Variants in OTUD5 observed in about 807,000 individuals in gnomAD.
OTUD5 encodes the protein OTU domain-containing protein 5.
Under a neutral mutation model 36.3 loss-of-function variants are expected in OTUD5, and 2 were observed. The ratio of observed to expected loss-of-function variants is 0.06; its 90% CI spans 0.02 to 0.17. The LOEUF (loss-of-function observed/expected upper bound fraction) is 0.17. Among genes scored for constraint, OTUD5 ranks in the 10% least tolerant of loss-of-function variants. The pLI is 1.00. For missense variants in OTUD5, 233 were observed against 512.3 expected, an observed-to-expected ratio of 0.45 and a Z score of 5.26; for synonymous variants, 234 against 214.9, an observed-to-expected ratio of 1.09 and a Z score of -0.78.
chrX:48,925,001 G>A (rs1387816849), intron 6 of OTUD5, among the ~76,000 whole-genome samples: 2 of 110,871 alleles, frequency 1.8e-5, no homozygotes, highest in East Asian at 2.8e-4. Flanking sequence ...TCCTTCAGCC[G>A]GGTGCGGTGG....
chrX:48,954,339 C>G (rs943545185), intron 1 of OTUD5, among the ~76,000 whole-genome samples: 6 of 110,846 alleles, frequency 5.4e-5, no homozygotes, highest in Non-Finnish European at 1.1e-4. Flanking sequence ...GTTACCATGG[C>G]AGCATAGGAT....
At position 48,934,599 on chromosome X, in the gene OTUD5, T is replaced by C; in HGVS notation, c.924A>G (p.Thr308=). 3.3e-6 allele frequency: 4 copies of C among 1,211,098 alleles called. No homozygotes were observed. Among genetic ancestry groups the C allele is most frequent in the Non-Finnish European group, 3.4e-6 (3 of 895,114 alleles). The stretch of plus-strand genomic sequence containing the variant: ...CCTCGTTTTGATGTATCCCATGGAA[T>C]GTGTTGATGGGTTCTGCAGAGAAAG... The part of the protein sequence containing the change: ...VYQYSTEPIN[T]FHGIHQNEDE... The change falls in exon 5 of 9, where the codon ACA becomes ACG. Residue 308 remains threonine (T), a synonymous_variant. Coordinates refer to ENST00000376488, the MANE Select transcript of OTUD5 (RefSeq NM_001136157.2).
In OTUD5 at chrX:48,957,179, ACCACCACGCCCGCGGCACCCACACCCG is replaced by A; in HGVS notation, c.365_391del (p.Ala122_Val130del). 1 of 1,125,107 alleles carries A rather than the reference ACCACCACGCCCGCGGCACCCACACCCG, an allele frequency of 8.9e-7. No homozygotes were observed. The highest frequency in any genetic ancestry group is 1.2e-6 in the Non-Finnish European group (1 of 860,931). The allele number at this position is 1,125,107 out of a possible 1,213,427, so 92.7% of individuals were successfully genotyped here. On this transcript the variant is annotated inframe_deletion, in exon 1 of 9. Transcript: ENST00000376488. ...CACGCCTACGGCACCACCCACACCC[ACCACCACGCCCGCGGCACCCACACCCG>A]CCGCCGCTGCGCCCAGCGCGTCGCC... is the stretch of plus-strand genomic sequence containing the variant.
chrX:48,957,207 C>A lies in OTUD5; in HGVS notation c.364G>T (p.Ala122Ser). ...GPGDALGAAA[A>S]GVGAAGVVVG... Reference sequence around the variant, plus strand: ...ACCACGCCCGCGGCACCCACACCCGCCGCCGCTGCGCCCAGCGCGTCGCCG... The same window carrying A: ...ACCACGCCCGCGGCACCCACACCCGACGCCGCTGCGCCCAGCGCGTCGCCG... Residue 122 changes from alanine to serine, a missense_variant, in exon 1 of 9, where the codon GCG becomes TCG. This residue lies in a region of OTUD5 where 155 missense variants were observed against 217.2 expected (regional missense o/e 0.71). Coordinates refer to ENST00000376488, the MANE Select transcript of OTUD5 (RefSeq NM_001136157.2). 9.0e-7 allele frequency: 1 copy of A among 1,106,615 alleles called. No individual in the cohort carries two copies. 91.2% of individuals were successfully genotyped at this position (1,106,615 alleles called of 1,213,427 possible). A position where few individuals can be genotyped will look rare whatever the true frequency, so the allele number is the denominator to read the frequency against.
chrX:48,949,800 C>G (rs1019763444), intron 1 of OTUD5, among the ~76,000 whole-genome samples: 2 of 111,152 alleles, frequency 1.8e-5, no homozygotes, highest in Admixed American at 9.6e-5. Context: ...GTGCAGTGAG[C>G]CAAGATTACG....
chrX:48,952,060 A>C (rs185138016), intron 1 of OTUD5, among the ~76,000 whole-genome samples: 3,807 of 111,722 alleles, frequency 0.034, 65 homozygotes, highest in East Asian at 0.11. Context: ...CACCTTAAAA[A>C]AAAAACAAAA....
chrX:48,931,002 G>A (rs1557048702), intron 5 of OTUD5, among the ~76,000 whole-genome samples: 1 of 110,635 alleles, frequency 9.0e-6, no homozygotes, highest in African/African-American at 3.3e-5. Flanking sequence ...CGTAATAACT[G>A]GAAAAATTAA....
chrX:48,934,369 C>A, intron 5 of OTUD5, 95 bp downstream of exon 5: 1 of 659,458 alleles, frequency 1.5e-6, no homozygotes, highest in Non-Finnish European at 2.3e-6. Context: ...AGAGAGGAGA[C>A]AGGATATTTT....
chrX:48,952,798 C>T (rs942634043), intron 1 of OTUD5, among the ~76,000 whole-genome samples: 2 of 112,598 alleles, frequency 1.8e-5, no homozygotes, highest in Non-Finnish European at 3.8e-5. Flanking sequence ...CCCCTTCCTG[C>T]TTCCCCACCA....
At position 48,939,114 on chromosome X, in the gene OTUD5, A is replaced by G. The variant is rs1052565258; in HGVS notation, c.689-4096T>C. ...CTCTTACTTTACCCAGGAGACACAG[A>G]AATGTGGCAAAGCTTGCCTGGGATC... is the stretch of plus-strand genomic sequence containing the variant. On this transcript the variant is annotated intron_variant, in intron 2 of 8. Coordinates refer to ENST00000376488, the MANE Select transcript of OTUD5 (RefSeq NM_001136157.2). Among the ~76,000 whole-genome samples the G allele has an allele frequency of 8.0e-5, 9 of 111,926 alleles. 1 individual carries two copies. Among genetic ancestry groups the G allele is most frequent in the Admixed American group, 3.8e-4 (4 of 10,502 alleles).
Position 48,923,675 on chromosome X carries a change from C to A in OTUD5, c.1537G>T (p.Glu513Ter). Residue 513 changes from glutamate (E) to a stop codon, truncating the protein, a stop_gained, in exon 8 of 9, where the codon GAG becomes TAG. Transcript: ENST00000376488. LOFTEE classifies it high-confidence loss of function. ...ATCTGCTGAATGAGGGCCCGGCACT[C>A]CAAAGCAGGGTAGAGGGACACAAGG... ...SPLVSLYPAL[E>*]CRALIQQMSP... The A allele has an allele frequency of 8.3e-7, 1 of 1,209,773 alleles. No individual in the cohort carries two copies.
chrX:48,951,770 T>C (rs972356922), intron 1 of OTUD5, among the ~76,000 whole-genome samples: 10 of 110,920 alleles, frequency 9.0e-5, no homozygotes, highest in African/African-American at 3.3e-4. Flanking sequence ...ACCTCTAAGA[T>C]TGGCAGGGTG....
intron 1 of OTUD5, among the ~76,000 whole-genome samples, chrX:48,946,645 T>C (rs2064034986): frequency 8.9e-6 from 1 of 112,194 alleles, no homozygotes; most frequent in Non-Finnish European, 1.9e-5. Context: ...CCCCCAAGCC[T>C]GTGGATTAAC....
intron 2 of OTUD5, among the ~76,000 whole-genome samples, chrX:48,942,982 T>C (rs1439320367): frequency 4.5e-5 from 5 of 110,554 alleles, no homozygotes; most frequent in South Asian, 3.8e-4. Context: ...AGCCCACCAG[T>C]AGACATGGGG....
chrX:48,954,030 G>A (rs2064191569), intron 1 of OTUD5, among the ~76,000 whole-genome samples: 1 of 111,515 alleles, frequency 9.0e-6, no homozygotes, highest in Non-Finnish European at 1.9e-5. Flanking sequence ...GGGAGAAGAG[G>A]ATCACCTTCT....
chrX:48,932,607 G>A (rs988883796), intron 5 of OTUD5, among the ~76,000 whole-genome samples: 1 of 110,610 alleles, frequency 9.0e-6, no homozygotes, highest in Non-Finnish European at 1.9e-5. Context: ...GATTACAGGC[G>A]TGAGCCACCG....
upstream of OTUD5, chrX:48,957,804 GAAGGC>G: frequency 1.3e-6 from 1 of 772,081 alleles, no homozygotes; most frequent in Non-Finnish European, 1.5e-6. Flanking sequence ...AGTCCAAGAT[GAAGGC>G]AGTGCGGCGA....
intron 2 of OTUD5, among the ~76,000 whole-genome samples, chrX:48,938,372 G>A (rs1415549680): frequency 1.8e-5 from 2 of 111,980 alleles, no homozygotes; most frequent in African/African-American, 3.2e-5. Flanking sequence ...TAAGCACAGA[G>A]CTAAACACAT....
chrX:48,940,913 G>GAGT (rs1365786710), intron 2 of OTUD5: 2 of 111,877 alleles, frequency 1.8e-5, no homozygotes, highest in Non-Finnish European at 3.8e-5. Flanking sequence ...GCTACCTGGG[G>GAGT]AGTAGGCAAT....
Sources: allele counts gnomAD v4.1 joint callset (sites outside exome capture counted in the v4.1 genomes callset), GRCh38; gene constraint gnomAD v4.1.1; regional missense constraint gnomAD v4.1.1; transcripts MANE v1.5; gene names NCBI Gene and HGNC (gene_info 2026-07-23, HGNC 2026-07-21).